The following SLCO4C1 variants were observed in gnomAD, a reference collection of about 807,000 sequenced individuals.
SLCO4C1 encodes organic anion transporter M1.
In SLCO4C1, 58 loss-of-function variants were observed where a neutral mutation model predicts 72.1. The observed-to-expected ratio is 0.80, with a 90% CI of 0.65 to 1.00. SLCO4C1 has a LOEUF of 1.00. Among genes scored for constraint, SLCO4C1 ranks in the 50% least tolerant of loss-of-function variants. The probability of loss-of-function intolerance (pLI) is 0.00; values close to 1 mark genes in which losing one functional copy is unlikely to be tolerated. For synonymous variants in SLCO4C1, 297 were observed against 312.5 expected (o/e 0.95, Z 0.52); for missense variants, 898 against 857.9 (o/e 1.05, Z -0.58).
chr5:102,248,777 C>G (rs1748682168), intron 9 of SLCO4C1, among the ~76,000 whole-genome samples: 1 of 151,984 alleles, frequency 6.6e-6, no homozygotes. Context: ...CATTATCTAC[C>G]AATGCATACT....
intron 3 of SLCO4C1, among the ~76,000 whole-genome samples, chr5:102,264,170 G>C (rs1748993745): frequency 6.6e-6 from 1 of 152,044 alleles, no homozygotes. Context: ...GCACAACTCA[G>C]ACAGAATTTT....
intron 8 of SLCO4C1, among the ~76,000 whole-genome samples, chr5:102,251,531 A>C (rs570298620): frequency 6.6e-6 from 1 of 152,124 alleles, no homozygotes; most frequent in South Asian, 2.1e-4. Flanking sequence ...TTGAGGCTGC[A>C]GTGAGTTATG....
At chr5:102,245,696 A>G (rs1014241181) in intron 10 of SLCO4C1, among the ~76,000 whole-genome samples, 5 of 152,188 alleles carry the variant, frequency 3.3e-5, no homozygotes, top group Admixed American at 2.0e-4. Flanking sequence ...AAATGGATCT[A>G]ATAGATATTT....
intron 2 of SLCO4C1, among the ~76,000 whole-genome samples, chr5:102,284,523 A>G (rs116062476): frequency 0.011 from 1,679 of 152,318 alleles, 16 homozygotes; most frequent in Non-Finnish European, 0.019. Context: ...GGGGACAAGT[A>G]TAACAACGGA....
chr5:102,257,137 C>T lies in SLCO4C1; in HGVS notation c.1447G>A (p.Gly483Ser). ...YAKCENEPFA[G>S]VSESYNGTGE... Reference sequence around the variant, plus strand: ...TACCCATTATATGATTCAGATACACCAGCAAATGGCTCATTTTCACATTTG... The same window carrying T: ...TACCCATTATATGATTCAGATACACTAGCAAATGGCTCATTTTCACATTTG... Residue 483 changes from glycine to serine, a missense_variant, in exon 8 of 13, where the codon GGT becomes AGT. Gly to Ser is a moderately conservative substitution (Grantham distance 56). Transcript: ENST00000310954. 6.3e-7 allele frequency: 1 copy of T among 1,590,744 alleles called. No homozygotes were observed. The highest frequency in any genetic ancestry group is 8.5e-7 in the Non-Finnish European group (1 of 1,170,506).
intron 1 of SLCO4C1, among the ~76,000 whole-genome samples, chr5:102,294,100 G>T (rs1352870850): frequency 6.6e-6 from 1 of 152,168 alleles, no homozygotes; most frequent in African/African-American, 2.4e-5. Context: ...GTAGAGACGG[G>T]GTTTCACCGT....
Position 102,257,995 on chromosome 5 carries a change from T to A in SLCO4C1, c.1221A>T (p.Lys407Asn), listed in dbSNP as rs201321627. ...ITTGFATFLP[K>N]FIENQFGLTS... ...TCAATCCGAATTGATTTTCTATAAATTTAGGTAAAAATGTAGCAAATCCAG... is the reference window on the plus strand; with the variant it reads ...TCAATCCGAATTGATTTTCTATAAAATTAGGTAAAAATGTAGCAAATCCAG... Residue 407 changes from lysine to asparagine, a missense_variant, in exon 7 of 13, where the codon AAA becomes AAT. By Grantham distance (94) the Lys-to-Asn change is moderately conservative (BLOSUM62 0). Coordinates refer to ENST00000310954, the MANE Select transcript of SLCO4C1 (RefSeq NM_180991.5). The A allele has an allele frequency of 1.3e-4, 215 of 1,609,706 alleles. 1 individual carries two copies. The highest frequency in any genetic ancestry group is 1.2e-3 in the Middle Eastern group (7 of 5,854).
At chr5:102,266,259 T>A (rs1241829525) in intron 3 of SLCO4C1, among the ~76,000 whole-genome samples, 1 of 152,140 alleles carries the variant, frequency 6.6e-6, no homozygotes, top group Non-Finnish European at 1.5e-5. Flanking sequence ...AGAGACAATT[T>A]GGCTTCCTCT....
rs34919695 is a variant in SLCO4C1, at chr5:102,293,745, C to CTT, written c.356-2141_356-2140dup. Among the ~76,000 whole-genome samples, 10 of 151,810 alleles carry CTT rather than the reference C, an allele frequency of 6.6e-5. No individual in the cohort carries two copies. The East Asian group carries it at 1.9e-3, about 30-fold the overall frequency. ...TTGGGTCACACTTTTTATTATTATA[C>CTT]TTTTTTTTGAGACCTTGCCTCGCTC... On this transcript the variant is annotated intron_variant, in intron 1 of 12. Coordinates refer to ENST00000310954, the MANE Select transcript of SLCO4C1 (RefSeq NM_180991.5).
chr5:102,260,255 C>T lies in SLCO4C1; in HGVS notation c.1086G>A (p.Val362=). 1.4e-6 allele frequency: 2 copies of T among 1,404,150 alleles called. No homozygotes were observed. Among genetic ancestry groups the T allele is most frequent in the Non-Finnish European group, 1.9e-6 (2 of 1,070,232 alleles). The allele number at this position is 1,404,150 out of a possible 1,614,324, so 87.0% of individuals were successfully genotyped here. ...QAHQSNSNAD[V]KFGKSIKDFP... ...AATCTTTAATACTTTTTCCAAATTT[C>T]ACATCTGCATTACTATTACTCTGAT... Residue 362 remains valine (V), a synonymous_variant, in exon 6 of 13, where the codon GTG becomes GTA. Transcript: ENST00000310954.
intron 2 of SLCO4C1, among the ~76,000 whole-genome samples, chr5:102,284,415 T>C (rs1749411163): frequency 6.6e-6 from 1 of 152,180 alleles, no homozygotes; most frequent in Non-Finnish European, 1.5e-5. Context: ...CAAATTCACA[T>C]AGTTAAACCT....
rs117636790 is a variant in SLCO4C1, at chr5:102,257,779, C to T, written c.1273+164G>A. On this transcript the variant is annotated intron_variant, in intron 7 of 12. Transcript: ENST00000310954. ...GACTACAGGTGCGTGCCACTATGCT[C>T]GGCTAATTTTTATGTTTTTTGGTAC... 9.4e-3 allele frequency among the ~76,000 whole-genome samples: 1,430 copies of T among 151,906 alleles called. 22 individuals are homozygous for T. The highest frequency in any genetic ancestry group is 0.038 in the East Asian group (197 of 5,162).
rs970802058 is a variant in SLCO4C1, at chr5:102,236,426, T to C, written c.*432A>G. On this transcript the variant is annotated 3_prime_UTR_variant, in exon 13 of 13. Transcript: ENST00000310954. ...CCATAAATGTTCTAAGCTCAAAATATTGACAATGAAAATTAAAATTAAACA... is the reference window on the plus strand; with the variant it reads ...CCATAAATGTTCTAAGCTCAAAATACTGACAATGAAAATTAAAATTAAACA... The C allele has an allele frequency of 6.5e-6, 1 of 152,714 alleles. No homozygotes were observed. Among genetic ancestry groups the C allele is most frequent in the African/African-American group, 2.4e-5 (1 of 41,442 alleles). 9.5% of individuals were successfully genotyped at this position (152,714 alleles called of 1,614,324 possible).
chr5:102,261,494 C>T (rs374287529), intron 5 of SLCO4C1, among the ~76,000 whole-genome samples: 1 of 150,408 alleles, frequency 6.6e-6, no homozygotes, highest in African/African-American at 2.4e-5. Context: ...GGAATGACTT[C>T]AGTGATAACT....
chr5:102,241,504 A>T (rs755200590), intron 10 of SLCO4C1, among the ~76,000 whole-genome samples: 32 of 152,144 alleles, frequency 2.1e-4, no homozygotes, highest in Non-Finnish European at 3.4e-4. Context: ...TTACAATAGC[A>T]TTGAAAAAAA....
chr5:102,243,547 C>T (rs537237860), intron 10 of SLCO4C1, among the ~76,000 whole-genome samples: 2 of 152,236 alleles, frequency 1.3e-5, no homozygotes, highest in South Asian at 2.1e-4. Context: ...TTCGGGTGCC[C>T]CTTAAAGCAG....
At chr5:102,274,374 AG>A (rs960345425) in intron 2 of SLCO4C1, among the ~76,000 whole-genome samples, 51 of 152,198 alleles carry the variant, frequency 3.4e-4, no homozygotes, top group African/African-American at 1.2e-3. Flanking sequence ...TAATATTGGC[AG>A]GTCTGTGACA....
Position 102,296,006 on chromosome 5 carries a change from C to T in SLCO4C1, c.257G>A (p.Gly86Glu). 1.9e-6 allele frequency: 3 copies of T among 1,614,220 alleles called. No homozygotes were observed. The highest frequency in any genetic ancestry group is 2.5e-6 in the Non-Finnish European group (3 of 1,180,044). Residue 86 changes from glycine (G) to glutamate (E), a missense_variant, in exon 1 of 13, where the codon GGG becomes GAG. Gly to Glu is a moderately conservative substitution (Grantham distance 98). Transcript: ENST00000310954. ...ATGGAAGTTCCTCCAGCCGTAAGAC[C>T]CCTCCTCAAACTCGGACAGCGACAG... ...RSLSLSEFEE[G>E]SYGWRNFHPQ...
In SLCO4C1 at chr5:102,281,094, T is replaced by C. The variant is rs373945544; in HGVS notation, c.619+10249A>G. On this transcript the variant is annotated intron_variant, in intron 2 of 12. Coordinates refer to ENST00000310954, the MANE Select transcript of SLCO4C1 (RefSeq NM_180991.5). ...AAGTATAATAGTCAAGAATGTGATATTGGTGAAGTGATACATATATCAATG... is the reference window on the plus strand; with the variant it reads ...AAGTATAATAGTCAAGAATGTGATACTGGTGAAGTGATACATATATCAATG... 2.6e-5 allele frequency among the ~76,000 whole-genome samples: 4 copies of C among 152,218 alleles called. No homozygotes were observed. The South Asian group carries it at 8.3e-4, about 32-fold the overall frequency.
Sources: gnomAD v4.1 joint callset for allele counts (sites outside exome capture counted in the v4.1 genomes callset) on GRCh38, gnomAD v4.1.1 for gene constraint, MANE v1.5 for transcripts, NCBI Gene and HGNC (gene_info 2026-07-23, HGNC 2026-07-21) for gene names.